XPR1: variants seen among roughly 807,000 people sequenced by gnomAD.
XPR1 encodes the protein xenotropic and polytropic retrovirus receptor 1.
In XPR1, 28 loss-of-function variants were observed where a neutral mutation model predicts 87.5. The observed-to-expected ratio is 0.32, with a 90% CI of 0.24 to 0.44. The LOEUF (loss-of-function observed/expected upper bound fraction) is 0.44, where lower values mean the gene tolerates loss of function less well. Among genes scored for constraint, XPR1 ranks in the 20% least tolerant of loss-of-function variants. The probability of loss-of-function intolerance (pLI) is 1.00; values close to 1 mark genes in which losing one functional copy is unlikely to be tolerated. For missense variants in XPR1, 559 were observed against 862.3 expected (o/e 0.65, Z 4.41); for synonymous variants, 300 against 306.1 (o/e 0.98, Z 0.21).
intron 1 of XPR1, among the ~76,000 whole-genome samples, chr1:180,658,113 T>A (rs1655601365): frequency 6.6e-6 from 1 of 152,254 alleles, no homozygotes; most frequent in Non-Finnish European, 1.5e-5. Flanking sequence ...ACAGAAATGC[T>A]ACTGATTTTT....
chr1:180,883,128 T>G (rs943079792), intron 14 of XPR1, among the ~76,000 whole-genome samples: 3 of 143,162 alleles, frequency 2.1e-5, no homozygotes, highest in African/African-American at 7.8e-5. Flanking sequence ...ATACCTGGCT[T>G]TTTTTTTTTT....
intron 13 of XPR1, 59 bp from the exon 14 acceptor site, chr1:180,880,017 C>A: frequency 6.4e-7 from 1 of 1,574,120 alleles, no homozygotes; most frequent in South Asian, 1.1e-5. Context: ...GGGAGGTTTA[C>A]AGGTAGCAGA....
At chr1:180,725,373 G>A (rs984692144) in intron 2 of XPR1, among the ~76,000 whole-genome samples, 1 of 152,104 alleles carries the variant, frequency 6.6e-6, no homozygotes, top group African/African-American at 2.4e-5. Context: ...GGAGTAAAGG[G>A]TAAAAATTTG....
At chr1:180,711,410 G>C (rs909692588) in intron 2 of XPR1, among the ~76,000 whole-genome samples, 3 of 152,338 alleles carry the variant, frequency 2.0e-5, no homozygotes, top group Non-Finnish European at 4.4e-5. Context: ...TTAGGAGCTG[G>C]AGACCAGCCT....
At chr1:180,735,273 GT>G (rs1658692785) in intron 2 of XPR1, among the ~76,000 whole-genome samples, 1 of 152,102 alleles carries the variant, frequency 6.6e-6, no homozygotes, top group South Asian at 2.1e-4. Context: ...TGTTTAACTT[GT>G]TTAGACTGAA....
intron 11 of XPR1, among the ~76,000 whole-genome samples, chr1:180,838,974 A>G (rs896549566): frequency 1.3e-5 from 2 of 152,204 alleles, no homozygotes; most frequent in Non-Finnish European, 2.9e-5. Flanking sequence ...TAATTTTTAT[A>G]AGTAATTGTT....
In XPR1 at chr1:180,759,087, T is replaced by C. The variant is rs528388978; in HGVS notation, c.122-28666T>C. On this transcript the variant is annotated intron_variant, in intron 2 of 14. Coordinates refer to ENST00000367590, the MANE Select transcript of XPR1 (RefSeq NM_004736.4). ...AACCAATGAGAACAAAGACACAACA[T>C]ACCAGAATCTCTGGGACACATTCAA... is the stretch of plus-strand genomic sequence containing the variant. Among the ~76,000 whole-genome samples, 500 of 152,226 alleles carry C rather than the reference T, an allele frequency of 3.3e-3. 2 individuals carry two copies. Among genetic ancestry groups the C allele is most frequent in the African/African-American group, 0.011 (436 of 41,516 alleles).
Position 180,750,466 on chromosome 1 carries a change from C to T in XPR1, c.122-37287C>T, listed in dbSNP as rs139674064. 3.1e-3 allele frequency among the ~76,000 whole-genome samples: 479 copies of T among 152,098 alleles called. 1 individual carries two copies. The highest frequency in any genetic ancestry group is 0.011 in the African/African-American group (453 of 41,524). ...ATAGCATGGAGTAATAGTGTTTTCC[C>T]CTAACATGTTTGCAAATATATTAAG... On this transcript the variant is annotated intron_variant, in intron 2 of 14. Coordinates refer to ENST00000367590, the MANE Select transcript of XPR1 (RefSeq NM_004736.4).
At chr1:180,849,581 G>C (rs1651798646) in intron 11 of XPR1, among the ~76,000 whole-genome samples, 2 of 152,224 alleles carry the variant, frequency 1.3e-5, no homozygotes, top group Admixed American at 1.3e-4. Context: ...GTTGTAAACA[G>C]ATGTGGTGTT....
chr1:180,791,333 A>G lies in XPR1; in HGVS notation c.223+3479A>G, dbSNP rs542766501. On this transcript the variant is annotated intron_variant, in intron 3 of 14. Transcript: ENST00000367590. The stretch of plus-strand genomic sequence containing the variant: ...GTTGTCCAGGCTGGAGTGCAGTGTC[A>G]TGATCTCGGCTCACTGCAACCTCTG... Among the ~76,000 whole-genome samples, 3 of 152,158 alleles carry G rather than the reference A, an allele frequency of 2.0e-5. 1 individual carries two copies. The South Asian group carries it at 6.2e-4, about 32-fold the overall frequency.
rs989872228 is a variant in XPR1, at chr1:180,873,708, T to C, written c.1669-95T>C. ...TGAGCCTGTGCTTATTCGTAGGACA[T>C]GTGTGAGTCTTGTTTGTAGGACATA... On this transcript the variant is annotated intron_variant, in intron 12 of 14. Coordinates refer to ENST00000367590, the MANE Select transcript of XPR1 (RefSeq NM_004736.4). The C allele has an allele frequency of 8.1e-6, 11 of 1,361,358 alleles. No individual in the cohort carries two copies. In the African/African-American group the frequency reaches 1.0e-4, roughly 13 times the overall value. The allele number at this position is 1,361,358 out of a possible 1,614,324, so 84.3% of individuals were successfully genotyped here.
In XPR1 at chr1:180,825,777, G is replaced by A. The variant is rs559388167; in HGVS notation, c.1134+433G>A. Among the ~76,000 whole-genome samples, 10 of 152,292 alleles carry A rather than the reference G, an allele frequency of 6.6e-5. No individual in the cohort carries two copies. The South Asian group carries it at 1.0e-3, about 16-fold the overall frequency. Reference sequence around the variant, plus strand: ...TTGAAAAATTGACTTTGGGCTGGGCGCGGTGGCTCACGCCTGTAATCCTAG... The same window carrying A: ...TTGAAAAATTGACTTTGGGCTGGGCACGGTGGCTCACGCCTGTAATCCTAG... On this transcript the variant is annotated intron_variant, in intron 9 of 14. Coordinates refer to ENST00000367590, the MANE Select transcript of XPR1 (RefSeq NM_004736.4).
chr1:180,743,226 G>C (rs1456131550), intron 2 of XPR1, among the ~76,000 whole-genome samples: 3 of 147,296 alleles, frequency 2.0e-5, no homozygotes, highest in African/African-American at 5.1e-5. Flanking sequence ...TTTTTTTTTG[G>C]GGGGGGAGTA....
At chr1:180,688,270 C>T (rs1329899010) in intron 2 of XPR1, among the ~76,000 whole-genome samples, 1 of 150,630 alleles carries the variant, frequency 6.6e-6, no homozygotes, top group Non-Finnish European at 1.5e-5. Context: ...CCTGCCTGGC[C>T]AACATGGCCA....
intron 2 of XPR1, among the ~76,000 whole-genome samples, chr1:180,742,556 T>G (rs1363245479): frequency 1.3e-5 from 2 of 152,148 alleles, no homozygotes; most frequent in East Asian, 3.8e-4. Flanking sequence ...ATAGTCTGTC[T>G]TGGTACATAG....
chr1:180,675,220 T>G (rs1202386803), intron 1 of XPR1, among the ~76,000 whole-genome samples: 1 of 152,172 alleles, frequency 6.6e-6, no homozygotes, highest in Non-Finnish European at 1.5e-5. Flanking sequence ...AAGATAATTC[T>G]GAGGGCTTCA....
At chr1:180,761,315 C>T (rs1199915360) in intron 2 of XPR1, among the ~76,000 whole-genome samples, 3 of 152,070 alleles carry the variant, frequency 2.0e-5, no homozygotes, top group African/African-American at 7.3e-5. Context: ...AAAGAAACTA[C>T]CATCAGAGTG....
chr1:180,845,119 C>T (rs1651634104), intron 11 of XPR1, among the ~76,000 whole-genome samples: 2 of 152,016 alleles, frequency 1.3e-5, no homozygotes, highest in Admixed American at 6.6e-5. Context: ...AAAAATTTTC[C>T]ACTTTGGTAA....
chr1:180,731,470 G>T (rs1041219523), intron 2 of XPR1, among the ~76,000 whole-genome samples: 1 of 152,180 alleles, frequency 6.6e-6, no homozygotes, highest in African/African-American at 2.4e-5. Context: ...CTATGGTGCT[G>T]TGATCTGGTG....
Sources: allele counts gnomAD v4.1 joint callset (sites outside exome capture counted in the v4.1 genomes callset), GRCh38; gene constraint gnomAD v4.1.1; transcripts MANE v1.5; gene names NCBI Gene and HGNC (gene_info 2026-07-23, HGNC 2026-07-21).